SAMSN1: variants seen among roughly 807,000 people sequenced by gnomAD.
SAMSN1 encodes SAM domain-containing protein SAMSN-1.
A neutral mutation model predicts 42.0 loss-of-function variants in SAMSN1; 31 were observed. The observed-to-expected ratio is 0.74, with a 90% CI of 0.55 to 1.00. The LOEUF (loss-of-function observed/expected upper bound fraction) is 1.00, where lower values mean the gene tolerates loss of function less well. Ranked by LOEUF, SAMSN1 falls within the 50% of genes least tolerant of loss-of-function variation. The pLI, the probability that SAMSN1 is intolerant of heterozygous loss-of-function variation, is 0.00. For synonymous variants in SAMSN1, 178 were observed against 151.9 expected (o/e 1.17, Z -1.26); for missense variants, 464 against 439.4 (o/e 1.06, Z -0.50).
At chr21:14,492,805 G>A (rs1986748508) in intron 7 of SAMSN1, among the ~76,000 whole-genome samples, 1 of 152,174 alleles carries the variant, frequency 6.6e-6, no homozygotes, top group South Asian at 2.1e-4. Context: ...AATTGCATGA[G>A]GGCAAACAAC....
intron 5 of SAMSN1, among the ~76,000 whole-genome samples, chr21:14,604,834 G>A (rs1381407730): frequency 2.0e-5 from 3 of 152,314 alleles, no homozygotes; most frequent in Non-Finnish European, 2.9e-5. Context: ...ACCAGATGTC[G>A]AAGTCCTCCC....
chr21:14,572,103 G>A (rs1043034154), intron 2 of SAMSN1, among the ~76,000 whole-genome samples: 3 of 152,050 alleles, frequency 2.0e-5, no homozygotes, highest in Non-Finnish European at 2.9e-5. Context: ...ATATATCATC[G>A]ACATTATGCT....
At chr21:14,573,710 C>T (rs1241357435) in intron 2 of SAMSN1, among the ~76,000 whole-genome samples, 1 of 152,090 alleles carries the variant, frequency 6.6e-6, no homozygotes, top group Non-Finnish European at 1.5e-5. Context: ...ATCCTTATGA[C>T]CCAAACTATT....
At chr21:14,541,404 C>A (rs1980020808) in intron 1 of SAMSN1, among the ~76,000 whole-genome samples, 1 of 151,826 alleles carries the variant, frequency 6.6e-6, no homozygotes, top group African/African-American at 2.4e-5. Flanking sequence ...GGGTGTATTA[C>A]CCTGTAGCCC....
intron 2 of SAMSN1, among the ~76,000 whole-genome samples, chr21:14,518,025 A>G (rs1413461181): frequency 6.6e-6 from 1 of 152,190 alleles, no homozygotes; most frequent in Non-Finnish European, 1.5e-5. Flanking sequence ...CTAAAGTTTG[A>G]AAACAACTGT....
intron 2 of SAMSN1, among the ~76,000 whole-genome samples, chr21:14,616,409 G>C (rs1442805184): frequency 6.6e-6 from 1 of 152,104 alleles, no homozygotes; most frequent in Non-Finnish European, 1.5e-5. Flanking sequence ...ACCAAGGAGA[G>C]AGACACATAC....
intron 3 of SAMSN1, among the ~76,000 whole-genome samples, chr21:14,614,786 A>G (rs767915083): frequency 1.3e-5 from 2 of 152,222 alleles, no homozygotes; most frequent in African/African-American, 2.4e-5. Context: ...GTATAATAAC[A>G]TGAGACATCA....
chr21:14,499,923 A>G (rs1987074969), intron 6 of SAMSN1, among the ~76,000 whole-genome samples: 1 of 152,252 alleles, frequency 6.6e-6, no homozygotes, highest in Non-Finnish European at 1.5e-5. Context: ...AAATTCATTG[A>G]TACTAGGTGT....
In SAMSN1 at chr21:14,536,241, A is replaced by C. The variant is rs145762653; in HGVS notation, c.57+9964T>G. On this transcript the variant is annotated intron_variant, in intron 1 of 7. Transcript: ENST00000400566. ...ATTATTGTAAAAACAAACAAACAAA[A>C]AAAAACACAGTTTTCAGGGATTTTG... is the stretch of plus-strand genomic sequence containing the variant. 5.5e-3 allele frequency among the ~76,000 whole-genome samples: 832 copies of C among 152,344 alleles called. 7 individuals are homozygous for C. Among genetic ancestry groups the C allele is most frequent in the African/African-American group, 0.018 (761 of 41,578 alleles).
intron 1 of SAMSN1, among the ~76,000 whole-genome samples, chr21:14,651,761 A>G (rs1376926431): frequency 3.9e-5 from 6 of 152,032 alleles, no homozygotes; most frequent in African/African-American, 9.6e-5. Context: ...ATGATATGAT[A>G]TGATTTGGAA....
At chr21:14,556,064 G>A (rs577852920) in intron 2 of SAMSN1, among the ~76,000 whole-genome samples, 31 of 152,252 alleles carry the variant, frequency 2.0e-4, no homozygotes, top group South Asian at 1.5e-3. Flanking sequence ...GAATTTCATG[G>A]AAGAGATATA....
chr21:14,486,431 G>A (rs1323175852), intron 7 of SAMSN1, among the ~76,000 whole-genome samples: 2 of 152,138 alleles, frequency 1.3e-5, no homozygotes, highest in African/African-American at 2.4e-5. Flanking sequence ...AGTTGCCAGA[G>A]AAAGCAGATT....
intron 1 of SAMSN1, among the ~76,000 whole-genome samples, chr21:14,526,876 A>G (rs951725882): frequency 1.3e-5 from 2 of 152,210 alleles, no homozygotes; most frequent in Non-Finnish European, 2.9e-5. Context: ...AGAAATCTGA[A>G]TCAAACTTGT....
intron 7 of SAMSN1, among the ~76,000 whole-genome samples, chr21:14,493,115 C>A (rs1986763926): frequency 6.6e-6 from 1 of 152,048 alleles, no homozygotes; most frequent in Admixed American, 6.5e-5. Flanking sequence ...TCGACTTGGG[C>A]AGGCAGGCAG....
At chr21:14,618,697 C>CGT (rs1982918097) in intron 2 of SAMSN1, among the ~76,000 whole-genome samples, 4 of 120,090 alleles carry the variant, frequency 3.3e-5, no homozygotes, top group African/African-American at 8.1e-5. Flanking sequence ...TGTGTGCGCG[C>CGT]GCGCGCACGC....
chr21:14,626,004 AC>A (rs1351990527), intron 2 of SAMSN1, among the ~76,000 whole-genome samples: 1 of 152,190 alleles, frequency 6.6e-6, no homozygotes, highest in African/African-American at 2.4e-5. Flanking sequence ...TCTTTGACAA[AC>A]CTGACAAAAA....
intron 7 of SAMSN1, among the ~76,000 whole-genome samples, chr21:14,592,849 T>G (rs1982129800): frequency 1.3e-5 from 2 of 152,166 alleles, no homozygotes; most frequent in Admixed American, 1.3e-4. Context: ...AATTAAGGAA[T>G]TTCATAATCC....
At chr21:14,540,397 A>G (rs972317952) in intron 1 of SAMSN1, among the ~76,000 whole-genome samples, 1 of 152,242 alleles carries the variant, frequency 6.6e-6, no homozygotes, top group Non-Finnish European at 1.5e-5. Flanking sequence ...TACTCATCTG[A>G]CAAAGCGCTA....
chr21:14,642,976 T>C (rs1300675589), intron 2 of SAMSN1: 12 of 713,766 alleles, frequency 1.7e-5, no homozygotes, highest in Non-Finnish European at 2.6e-5. Context: ...GAAAAAAAAA[T>C]CCACTCCAGT....
Sources: gnomAD v4.1 joint callset for allele counts (sites outside exome capture counted in the v4.1 genomes callset) on GRCh38, gnomAD v4.1.1 for gene constraint, MANE v1.5 for transcripts, NCBI Gene and HGNC (gene_info 2026-07-23, HGNC 2026-07-21) for gene names.